Variants in HHAT observed in about 807,000 individuals in gnomAD.
HHAT encodes the protein protein-cysteine N-palmitoyltransferase HHAT.
Under a neutral mutation model 70.8 loss-of-function variants are expected in HHAT, and 47 were observed. The ratio of observed to expected loss-of-function variants is 0.66; its 90% confidence interval spans 0.53 to 0.85. The LOEUF (loss-of-function observed/expected upper bound fraction) is 0.85, where lower values mean the gene tolerates loss of function less well. Among genes scored for constraint, HHAT ranks in the 40% least tolerant of loss-of-function variants. The probability of loss-of-function intolerance (pLI) is 0.00; values close to 1 mark genes in which losing one functional copy is unlikely to be tolerated. For synonymous variants in HHAT, 228 were observed against 247.6 expected (o/e 0.92, Z 0.74); for missense variants, 609 against 604.8 (o/e 1.01, Z -0.07).
intron 10 of HHAT, among the ~76,000 whole-genome samples, chr1:210,609,704 A>G (rs1666209825): frequency 6.6e-6 from 1 of 152,036 alleles, no homozygotes; most frequent in African/African-American, 2.4e-5. Flanking sequence ...GTTGTTCCCC[A>G]CCATGGGTCC....
rs562245366 is a variant in HHAT at position 210,563,599 on chromosome 1, A to G, written c.1044-24299A>G. Among the ~76,000 whole-genome samples, 67 of 152,320 alleles carry G rather than the reference A, an allele frequency of 4.4e-4. 1 individual carries two copies. The highest frequency in any genetic ancestry group is 1.6e-3 in the African/African-American group (65 of 41,562). On this transcript the variant is annotated intron_variant, in intron 9 of 11. Transcript: ENST00000261458. ...ATGGGAGAGCAGGGAGTTGGGAACCACTTCTTATCTATTCAGTGGTGCTCT... is the reference window on the plus strand; with the variant it reads ...ATGGGAGAGCAGGGAGTTGGGAACCGCTTCTTATCTATTCAGTGGTGCTCT...
intron 4 of HHAT, among the ~76,000 whole-genome samples, chr1:210,395,402 G>A (rs1394380075): frequency 6.7e-6 from 1 of 149,156 alleles, no homozygotes; most frequent in African/African-American, 2.5e-5. Context: ...AAGAAAGGAG[G>A]GCAAATCTGT....
At chr1:210,499,410 G>A (rs1223756883) in intron 8 of HHAT, among the ~76,000 whole-genome samples, 2 of 152,212 alleles carry the variant, frequency 1.3e-5, no homozygotes, top group Non-Finnish European at 1.5e-5. Context: ...GCCAAAGTGG[G>A]CAGATCACTT....
At chr1:210,617,745 G>A (rs1573771476) in intron 10 of HHAT, among the ~76,000 whole-genome samples, 1 of 152,182 alleles carries the variant, frequency 6.6e-6, no homozygotes, top group Non-Finnish European at 1.5e-5. Flanking sequence ...AACAAATCTG[G>A]CTTTGCCTTC....
chr1:210,623,623 G>C lies in HHAT; in HGVS notation c.1343G>C (p.Gly448Ala). The C allele has an allele frequency of 6.2e-7, 1 of 1,613,946 alleles. No individual in the cohort carries two copies. The highest frequency in any genetic ancestry group is 1.7e-5 in the Admixed American group (1 of 59,994). ...ATCCTGTCCAACCTGGTATTTCTTGGGGGCAATGAGGTTGGGAAAACCTAC... is the reference window on the plus strand; with the variant it reads ...ATCCTGTCCAACCTGGTATTTCTTGCGGGCAATGAGGTTGGGAAAACCTAC... ...MLILSNLVFL[G>A]GNEVGKTYWN... The change falls in exon 11 of 12, where the codon GGG becomes GCG. Residue 448 changes from glycine to alanine, a missense_variant. Gly to Ala is a moderately conservative substitution (Grantham distance 60, BLOSUM62 0). Coordinates refer to ENST00000261458, the MANE Select transcript of HHAT (RefSeq NM_018194.6).
chr1:210,631,200 C>A (rs1236491146), intron 11 of HHAT: 1 of 438,866 alleles, frequency 2.3e-6, no homozygotes, highest in Non-Finnish European at 4.6e-6. Flanking sequence ...CCCTTTGACT[C>A]CAAATTCTAC....
At chr1:210,547,145 C>T (rs1413979689) in intron 9 of HHAT, among the ~76,000 whole-genome samples, 1 of 152,092 alleles carries the variant, frequency 6.6e-6, no homozygotes, top group East Asian at 1.9e-4. Context: ...GTCTGACCAA[C>T]ATGGTGGAAC....
chr1:210,513,498 C>T (rs573863800), intron 9 of HHAT, among the ~76,000 whole-genome samples: 10 of 152,238 alleles, frequency 6.6e-5, no homozygotes, highest in Non-Finnish European at 8.8e-5. Flanking sequence ...TGTATTCAGA[C>T]GTTAAACAAC....
At chr1:210,625,327 G>C (rs4617467) in intron 11 of HHAT, among the ~76,000 whole-genome samples, 123,541 of 152,158 alleles carry the variant, frequency 0.81, 51,594 homozygotes, top group South Asian at 0.92. Flanking sequence ...GTGACTTGGT[G>C]GGGGGAAAGT....
chr1:210,563,538 A>G (rs2095642985), intron 9 of HHAT, among the ~76,000 whole-genome samples: 1 of 152,134 alleles, frequency 6.6e-6, no homozygotes, highest in Non-Finnish European at 1.5e-5. Flanking sequence ...CCCCTTCACA[A>G]GGGCACTCTT....
chr1:210,571,773 C>T (rs1656325954), intron 9 of HHAT, among the ~76,000 whole-genome samples: 1 of 152,226 alleles, frequency 6.6e-6, no homozygotes, highest in Non-Finnish European at 1.5e-5. Flanking sequence ...TCCAGATCTA[C>T]AGCTGACATC....
intron 10 of HHAT, among the ~76,000 whole-genome samples, chr1:210,601,493 C>A (rs1202203411): frequency 6.6e-6 from 1 of 152,124 alleles, no homozygotes; most frequent in Admixed American, 6.5e-5. Context: ...TGGACATAAG[C>A]CATTTTCTCC....
chr1:210,524,321 G>A (rs898110480), intron 9 of HHAT, among the ~76,000 whole-genome samples: 1 of 152,192 alleles, frequency 6.6e-6, no homozygotes, highest in East Asian at 1.9e-4. Flanking sequence ...TTGATGTGAT[G>A]GAGGGTGCAG....
At chr1:210,603,480 T>G (rs1245595252) in intron 10 of HHAT, among the ~76,000 whole-genome samples, 3 of 152,136 alleles carry the variant, frequency 2.0e-5, no homozygotes, top group Admixed American at 2.0e-4. Flanking sequence ...GGCTGTGTCT[T>G]TCCAATTCTG....
intron 8 of HHAT, among the ~76,000 whole-genome samples, chr1:210,477,894 A>G (rs1342221896): frequency 2.6e-5 from 4 of 152,188 alleles, no homozygotes; most frequent in African/African-American, 9.7e-5. Context: ...AGATCTTATG[A>G]CACATTGTCA....
intron 8 of HHAT, among the ~76,000 whole-genome samples, chr1:210,511,580 C>T (rs557827076): frequency 1.1e-4 from 16 of 152,042 alleles, no homozygotes; most frequent in South Asian, 2.1e-4. Context: ...TCTGGACAGG[C>T]GTCAGACCCC....
intron 2 of HHAT, 26 bp from the exon 3 acceptor site, chr1:210,362,826 A>G (rs775913674): frequency 6.3e-7 from 1 of 1,599,090 alleles, no homozygotes; most frequent in East Asian, 2.2e-5. Flanking sequence ...ATTTGTGACT[A>G]ACGAAGACTT....
chr1:210,369,953 G>C (rs1459346762), intron 3 of HHAT, among the ~76,000 whole-genome samples: 1 of 152,050 alleles, frequency 6.6e-6, no homozygotes, highest in Non-Finnish European at 1.5e-5. Flanking sequence ...AGAAGGCAGT[G>C]GTCAGTCATT....
In HHAT at chr1:210,668,797, G is replaced by A. The variant is rs200825878; in HGVS notation, c.1391-5491G>A. On this transcript the variant is annotated intron_variant, in intron 11 of 11. Coordinates refer to ENST00000261458, the MANE Select transcript of HHAT (RefSeq NM_018194.6). Reference sequence around the variant, plus strand: ...TTTATTTTTTTTATTTTTCTGAGACGGAGTCTCGCACTGTCACCCAGGCTG... The same window carrying A: ...TTTATTTTTTTTATTTTTCTGAGACAGAGTCTCGCACTGTCACCCAGGCTG... Among the ~76,000 whole-genome samples, 18 of 151,804 alleles carry A rather than the reference G, an allele frequency of 1.2e-4. No individual in the cohort carries two copies. The East Asian group carries it at 1.9e-3, about 16-fold the overall frequency.
Sources: gnomAD v4.1 joint callset for allele counts (sites outside exome capture counted in the v4.1 genomes callset) on GRCh38, gnomAD v4.1.1 for gene constraint, MANE v1.5 for transcripts, NCBI Gene and HGNC (gene_info 2026-07-23, HGNC 2026-07-21) for gene names.